SP4: variants seen among roughly 807,000 people sequenced by gnomAD.
The protein encoded by SP4 is Sp4 transcription factor, also known as transcription factor Sp4.
A neutral mutation model predicts 72.8 loss-of-function variants in SP4; 19 were observed. The ratio of observed to expected loss-of-function variants is 0.26; its 90% CI spans 0.18 to 0.38. The LOEUF (loss-of-function observed/expected upper bound fraction) is 0.38. Ranked by LOEUF, SP4 falls within the 10% of genes least tolerant of loss-of-function variation. SP4 has a pLI of 1.00. For missense variants in SP4, 1,008 were observed against 926.3 expected (o/e 1.09, Z -1.14); for synonymous variants, 395 against 333.1 (o/e 1.19, Z -2.02).
At chr7:21,444,710 G>A (rs1783367463) in intron 3 of SP4, among the ~76,000 whole-genome samples, 1 of 152,146 alleles carries the variant, frequency 6.6e-6, no homozygotes, top group Admixed American at 6.5e-5. Context: ...AGAAGGTGGT[G>A]GTGGTGACCT....
intron 5 of SP4, among the ~76,000 whole-genome samples, chr7:21,487,354 GTCTC>G (rs372613825): frequency 1.2e-4 from 17 of 144,732 alleles, no homozygotes; most frequent in African/African-American, 3.6e-4. Flanking sequence ...CTCTTTCTCT[GTCTC>G]TCTCTCTCTG....
chr7:21,434,904 C>T (rs529879378), intron 3 of SP4, among the ~76,000 whole-genome samples: 19 of 151,914 alleles, frequency 1.3e-4, no homozygotes, highest in African/African-American at 4.3e-4. Flanking sequence ...ACTTTAAGCT[C>T]AAAGACAACT....
intron 5 of SP4, among the ~76,000 whole-genome samples, chr7:21,497,322 T>G (rs995246106): frequency 1.3e-5 from 2 of 152,144 alleles, no homozygotes; most frequent in African/African-American, 2.4e-5. Context: ...ATTCAGGCTG[T>G]TATTTTTCAA....
intron 3 of SP4, among the ~76,000 whole-genome samples, chr7:21,445,527 A>G (rs535262309): frequency 6.6e-6 from 1 of 152,234 alleles, no homozygotes; most frequent in East Asian, 1.9e-4. Context: ...TACATCGCAT[A>G]TTGTTCTAGG....
chr7:21,500,197 C>A (rs889020123), intron 5 of SP4, among the ~76,000 whole-genome samples: 4 of 152,022 alleles, frequency 2.6e-5, no homozygotes, highest in Non-Finnish European at 5.9e-5. Context: ...TTGAGATTTT[C>A]ATGAAGAAAT....
At chr7:21,445,903 A>C (rs1475902974) in intron 3 of SP4, among the ~76,000 whole-genome samples, 1 of 152,152 alleles carries the variant, frequency 6.6e-6, no homozygotes, top group African/African-American at 2.4e-5. Flanking sequence ...ATCAGAGTGC[A>C]TTCACAATAT....
At chr7:21,472,600 C>G (rs765287210) in intron 3 of SP4, among the ~76,000 whole-genome samples, 13 of 151,132 alleles carry the variant, frequency 8.6e-5, no homozygotes, top group South Asian at 4.3e-4. Context: ...GCTGATAAAT[C>G]TTTTCAGAAA....
chr7:21,451,260 T>C (rs908231026), intron 3 of SP4, among the ~76,000 whole-genome samples: 3 of 152,224 alleles, frequency 2.0e-5, no homozygotes, highest in African/African-American at 7.2e-5. Flanking sequence ...ATCAGGAAGC[T>C]GCTGATTGCC....
intron 5 of SP4, among the ~76,000 whole-genome samples, chr7:21,505,476 G>A (rs186084337): frequency 8.4e-4 from 128 of 152,252 alleles, no homozygotes; most frequent in African/African-American, 2.9e-3. Flanking sequence ...TCTAAGATTT[G>A]ACCAAATACG....
intron 3 of SP4, among the ~76,000 whole-genome samples, chr7:21,454,294 T>G (rs775673144): frequency 5.9e-5 from 9 of 152,166 alleles, no homozygotes; most frequent in Non-Finnish European, 7.3e-5. Flanking sequence ...TAGGAAGCAT[T>G]TAGTGGGCTT....
chr7:21,469,028 T>C (rs912441169), intron 3 of SP4, among the ~76,000 whole-genome samples: 1 of 152,308 alleles, frequency 6.6e-6, no homozygotes, highest in Admixed American at 6.5e-5. Flanking sequence ...ATCTCACTTC[T>C]AGGACTATCC....
intron 4 of SP4, among the ~76,000 whole-genome samples, chr7:21,480,899 A>G (rs1290357351): frequency 6.6e-6 from 1 of 151,944 alleles, no homozygotes; most frequent in Admixed American, 6.6e-5. Flanking sequence ...TTGGGAAGAG[A>G]TTTGGAGCTC....
chr7:21,456,261 CAG>C (rs1783760950), intron 3 of SP4, among the ~76,000 whole-genome samples: 1 of 152,190 alleles, frequency 6.6e-6, no homozygotes, highest in Non-Finnish European at 1.5e-5. Flanking sequence ...TAAAGGGCCT[CAG>C]AGTGAAGCCC....
rs575742584 is a variant in SP4 at position 21,460,639 on chromosome 7, A to G, written c.1679-16440A>G. ...CATCCTGCTGATTGGCCCATTTTAC[A>G]GAGAGCCGATTGGTCTGTTTTACAG... is the stretch of plus-strand genomic sequence containing the variant. On this transcript the variant is annotated intron_variant, in intron 3 of 5. Coordinates refer to ENST00000222584, the MANE Select transcript of SP4 (RefSeq NM_003112.5). Among the ~76,000 whole-genome samples, 3 of 152,296 alleles carry G rather than the reference A, an allele frequency of 2.0e-5. No individual in the cohort carries two copies. In the South Asian group the frequency reaches 6.2e-4, roughly 32 times the overall value.
intron 5 of SP4, among the ~76,000 whole-genome samples, chr7:21,489,635 C>CT (rs1784920652): frequency 6.9e-6 from 1 of 144,996 alleles, no homozygotes. Context: ...TCTTGGCTCA[C>CT]TGCAAGCTCC....
intron 3 of SP4, among the ~76,000 whole-genome samples, chr7:21,453,516 T>A (rs1011063352): frequency 3.3e-5 from 5 of 152,198 alleles, no homozygotes; most frequent in African/African-American, 1.2e-4. Context: ...ATATCAGAAT[T>A]GTAGGAGTTT....
chr7:21,510,107 C>T (rs905905128), intron 5 of SP4, among the ~76,000 whole-genome samples: 1 of 152,174 alleles, frequency 6.6e-6, no homozygotes, highest in African/African-American at 2.4e-5. Context: ...CACTGGGTCC[C>T]TCCCACAACA....
chr7:21,438,430 C>G (rs752793475), intron 3 of SP4, among the ~76,000 whole-genome samples: 1 of 151,904 alleles, frequency 6.6e-6, no homozygotes. Flanking sequence ...AGGGTGAATT[C>G]TATTAAGCAA....
intron 5 of SP4, chr7:21,482,747 ATGTTT>A: frequency 7.1e-6 from 7 of 981,002 alleles, no homozygotes; most frequent in Non-Finnish European, 8.5e-6. Flanking sequence ...TACATAAAAA[ATGTTT>A]TGTGTGTGTT....
Sources: gnomAD v4.1 joint callset for allele counts (sites outside exome capture counted in the v4.1 genomes callset) on GRCh38, gnomAD v4.1.1 for gene constraint, MANE v1.5 for transcripts, NCBI Gene and HGNC (gene_info 2026-07-23, HGNC 2026-07-21) for gene names.